Variants in SLC9A4 observed in about 807,000 individuals in gnomAD.
SLC9A4 encodes the protein solute carrier family 9 member A4.
In SLC9A4, 63 loss-of-function variants were observed where a neutral mutation model predicts 67.4. That is an observed-to-expected ratio of 0.93 (90% CI 0.76 to 1.15). The LOEUF (loss-of-function observed/expected upper bound fraction) is 1.15, where lower values mean the gene tolerates loss of function less well. Ranked by LOEUF, SLC9A4 falls within the 50% of genes most tolerant of loss-of-function variation. SLC9A4 has a pLI of 0.00. For synonymous variants in SLC9A4, 393 were observed against 367.2 expected (o/e 1.07, Z -0.80); for missense variants, 1,089 against 987.7 (o/e 1.10, Z -1.38).
At chr2:102,475,752 G>A (rs1684316978) in intron 1 of SLC9A4, among the ~76,000 whole-genome samples, 2 of 151,876 alleles carry the variant, frequency 1.3e-5, no homozygotes, top group Admixed American at 1.3e-4. Context: ...GGAGTGAGGA[G>A]ATAAAAAGGC....
intron 2 of SLC9A4, among the ~76,000 whole-genome samples, chr2:102,502,234 G>C (rs1684957108): frequency 6.6e-6 from 1 of 152,126 alleles, no homozygotes; most frequent in African/African-American, 2.4e-5. Context: ...TCAGGACCTA[G>C]ATCATAGTTC....
At chr2:102,516,067 A>G (rs1438759670) in intron 8 of SLC9A4, among the ~76,000 whole-genome samples, 1 of 152,232 alleles carries the variant, frequency 6.6e-6, no homozygotes, top group Non-Finnish European at 1.5e-5. Flanking sequence ...AATGAGAATC[A>G]GTCTGCCGGG....
At chr2:102,526,120 T>C (rs1573358041) in intron 10 of SLC9A4, 139 bp from the exon 11 acceptor site, 1 of 748,950 alleles carries the variant, frequency 1.3e-6, no homozygotes, top group Non-Finnish European at 2.1e-6. Context: ...ACCCCTGACC[T>C]CAGGTGATCC....
At chr2:102,483,982 T>TA (rs1264071949) in intron 2 of SLC9A4, among the ~76,000 whole-genome samples, 2 of 151,444 alleles carry the variant, frequency 1.3e-5, no homozygotes, top group African/African-American at 2.4e-5. Context: ...TTTTTTATTT[T>TA]AAAAAAAGAA....
rs187183886 is a variant in SLC9A4, at chr2:102,532,980, T to C, written c.*292T>C. On this transcript the variant is annotated 3_prime_UTR_variant, in exon 12 of 12. Coordinates refer to ENST00000295269, the MANE Select transcript of SLC9A4 (RefSeq NM_001011552.4). Reference sequence around the variant, plus strand: ...TCCTAAGAACTTTCTATCAAAAGCATTGGATCCAAGCCATATATTGAAATA... The same window carrying C: ...TCCTAAGAACTTTCTATCAAAAGCACTGGATCCAAGCCATATATTGAAATA... 3.2e-5 allele frequency: 9 copies of C among 282,914 alleles called. No homozygotes were observed. In the Admixed American group the frequency reaches 4.2e-4, roughly 13 times the overall value. 17.5% of individuals were successfully genotyped at this position (282,914 alleles called of 1,614,324 possible). A position where few individuals can be genotyped will look rare whatever the true frequency, so the allele number is the denominator to read the frequency against.
rs1287102114 is a variant in SLC9A4 at position 102,514,216 on chromosome 2, G to A, written c.1686G>A (p.Gly562=). The A allele has an allele frequency of 6.2e-7, 1 of 1,613,900 alleles. No homozygotes were observed. The highest frequency in any genetic ancestry group is 8.5e-7 in the Non-Finnish European group (1 of 1,179,954). The change falls in exon 8 of 12, where the codon GGG becomes GGA. Residue 562 remains glycine, a synonymous_variant. Coordinates refer to ENST00000295269, the MANE Select transcript of SLC9A4 (RefSeq NM_001011552.4). ...AAGCCATCGAGATGGTGGAGACTGG[G>A]ATACTGAGCTCTACAGCTTTCTCCA... The part of the protein sequence containing the change: ...MKQAIEMVET[G]ILSSTAFSIP...
intron 9 of SLC9A4, among the ~76,000 whole-genome samples, chr2:102,523,485 C>T (rs564409958): frequency 2.6e-5 from 4 of 152,142 alleles, no homozygotes; most frequent in Non-Finnish European, 5.9e-5. Flanking sequence ...TCAGTGAGGG[C>T]CCATTATAAA....
At chr2:102,488,764 GT>G (rs1168109414) in intron 2 of SLC9A4, among the ~76,000 whole-genome samples, 2 of 152,084 alleles carry the variant, frequency 1.3e-5, no homozygotes, top group Non-Finnish European at 2.9e-5. Context: ...AGCCAGGATG[GT>G]CTCGATCTCC....
intron 1 of SLC9A4, among the ~76,000 whole-genome samples, chr2:102,476,789 C>G (rs10469857): frequency 6.7e-6 from 1 of 149,878 alleles, no homozygotes; most frequent in Non-Finnish European, 1.5e-5. Context: ...AGGAGTTGGA[C>G]AAAGAGAAGA....
intron 11 of SLC9A4, among the ~76,000 whole-genome samples, chr2:102,528,200 G>A (rs751913863): frequency 6.6e-6 from 1 of 151,936 alleles, no homozygotes; most frequent in Non-Finnish European, 1.5e-5. Context: ...TGGAGACGGG[G>A]TTTCACCATG....
At position 102,505,572 on chromosome 2, in the gene SLC9A4, C is replaced by A. The variant is rs1685034555; in HGVS notation, c.1198+101C>A. 9.4e-6 allele frequency: 11 copies of A among 1,174,564 alleles called. No homozygotes were observed. The East Asian group carries it at 2.5e-4, about 27-fold the overall frequency. The allele number at this position is 1,174,564 out of a possible 1,614,324, so 72.8% of individuals were successfully genotyped here. On this transcript the variant is annotated intron_variant, in intron 4 of 11. Transcript: ENST00000295269. ...AACTGGAGGACTGAGTAGATGCTAA[C>A]TGGTTTTACCGGTTAGGGTAGACTA... is the stretch of plus-strand genomic sequence containing the variant.
intron 2 of SLC9A4, among the ~76,000 whole-genome samples, chr2:102,489,696 G>A (rs1285128451): frequency 6.6e-6 from 1 of 152,184 alleles, no homozygotes; most frequent in Admixed American, 6.5e-5. Context: ...AATGTCCAGA[G>A]ATCTCAACCC....
chr2:102,533,470 TA>T lies in SLC9A4; in HGVS notation c.*786del, dbSNP rs1247784583. On this transcript the variant is annotated 3_prime_UTR_variant, in exon 12 of 12. Transcript: ENST00000295269. ...GGGTGTGACATTTTACCCTAGGGTA[TA>T]AAACTATTTTTCTTTTATTATTATT... 1 of 151,858 alleles carries T rather than the reference TA, an allele frequency of 6.6e-6. No homozygotes were observed. The highest frequency in any genetic ancestry group is 1.5e-5 in the Non-Finnish European group (1 of 68,004). The allele number at this position is 151,858 out of a possible 1,614,324, so 9.4% of individuals were successfully genotyped here.
intron 2 of SLC9A4, among the ~76,000 whole-genome samples, chr2:102,502,577 T>A (rs1229640341): frequency 6.6e-6 from 1 of 152,228 alleles, no homozygotes; most frequent in Non-Finnish European, 1.5e-5. Flanking sequence ...TGGGAGGGGT[T>A]CACCTTTTAC....
chr2:102,528,400 C>T (rs1674709175), intron 11 of SLC9A4, among the ~76,000 whole-genome samples: 1 of 90,766 alleles, frequency 1.1e-5, no homozygotes. Flanking sequence ...TGTCACAGTT[C>T]TTTCTTTTTT....
At chr2:102,501,118 C>A (rs1684930688) in intron 2 of SLC9A4, among the ~76,000 whole-genome samples, 1 of 151,346 alleles carries the variant, frequency 6.6e-6, no homozygotes, top group Non-Finnish European at 1.5e-5. Flanking sequence ...GCCACCATGC[C>A]TGGCTAATTT....
intron 11 of SLC9A4, 41 bp downstream of exon 11, chr2:102,526,387 G>C: frequency 6.3e-7 from 1 of 1,592,064 alleles, no homozygotes; most frequent in Non-Finnish European, 8.6e-7. Flanking sequence ...TTTCTGTAGA[G>C]TCAGGTGGTA....
rs755156577 is a variant in SLC9A4 at position 102,532,318 on chromosome 2, A to G, written c.2039-12A>G. On this transcript the variant is annotated splice_polypyrimidine_tract_variant and intron_variant, in intron 11 of 11. Transcript: ENST00000295269. ...CTTGTTCTTTCCCCTTCTTGCCATG[A>G]TGTTTTCCTAGATGATGACAGCAGT... 1 of 1,605,062 alleles carries G rather than the reference A, an allele frequency of 6.2e-7. No homozygotes were observed. Among genetic ancestry groups the G allele is most frequent in the South Asian group, 1.1e-5 (1 of 90,236 alleles).
intron 2 of SLC9A4, among the ~76,000 whole-genome samples, chr2:102,501,602 C>A (rs1684942764): frequency 6.6e-6 from 1 of 151,976 alleles, no homozygotes; most frequent in Admixed American, 6.6e-5. Context: ...AGAGGTCGGG[C>A]TTACAGAGGA....
Sources: allele counts gnomAD v4.1 joint callset (sites outside exome capture counted in the v4.1 genomes callset), GRCh38; gene constraint gnomAD v4.1.1; transcripts MANE v1.5; gene names NCBI Gene and HGNC (gene_info 2026-07-23, HGNC 2026-07-21).